The following SUGCT variants were observed in gnomAD, a reference collection of about 807,000 sequenced individuals.
SUGCT encodes the protein succinyl-CoA:glutarate-CoA transferase.
A neutral mutation model predicts 55.0 loss-of-function variants in SUGCT; 41 were observed. That is an observed-to-expected ratio of 0.74 (90% CI 0.58 to 0.97). The LOEUF is 0.97. Ranked by LOEUF, SUGCT falls within the 50% of genes least tolerant of loss-of-function variation. The pLI is 0.00. For synonymous variants in SUGCT, 187 were observed against 200.4 expected, an observed-to-expected ratio of 0.93 and a Z score of 0.56; for missense variants, 568 against 547.8, an observed-to-expected ratio of 1.04 and a Z score of -0.37.
chr7:40,159,762 T>A (rs73312947), intron 1 of SUGCT, among the ~76,000 whole-genome samples: 2,432 of 152,308 alleles, frequency 0.016, 66 homozygotes, highest in African/African-American at 0.054. Flanking sequence ...CTGAGGCTGC[T>A]GTGATGCCTA....
the SUGCT span, among the ~76,000 whole-genome samples, chr7:40,921,556 C>A: frequency 6.6e-6 from 1 of 152,208 alleles, no homozygotes; most frequent in East Asian, 1.9e-4. Context: ...CTGGAATACT[C>A]TTCACCTCGA....
At chr7:40,833,318 TC>T (rs149547574) in intron 13 of SUGCT, among the ~76,000 whole-genome samples, 32,165 of 151,844 alleles carry the variant, frequency 0.21, 3,744 homozygotes, top group East Asian at 0.51. Flanking sequence ...GAAAGTTTTT[TC>T]CCTTTTTTTC....
At chr7:41,026,012 C>A in the SUGCT span, among the ~76,000 whole-genome samples, 1 of 152,186 alleles carries the variant, frequency 6.6e-6, no homozygotes, top group African/African-American at 2.4e-5. Flanking sequence ...CTTTTTACAA[C>A]ATTCACATCG....
intron 11 of SUGCT, among the ~76,000 whole-genome samples, chr7:40,483,992 T>G (rs1379869063): frequency 6.6e-6 from 1 of 152,192 alleles, no homozygotes; most frequent in East Asian, 1.9e-4. Context: ...AAATCACTGA[T>G]AAGTAAATGA....
chr7:40,510,073 A>G (rs1792838833), intron 12 of SUGCT, among the ~76,000 whole-genome samples: 1 of 152,140 alleles, frequency 6.6e-6, no homozygotes, highest in Non-Finnish European at 1.5e-5. Context: ...TTGAATTTTC[A>G]TAGTATATAT....
At chr7:40,316,924 T>G in intron 9 of SUGCT, 69 bp downstream of exon 9, 1 of 689,714 alleles carries the variant, frequency 1.4e-6, no homozygotes, top group East Asian at 3.2e-5. Flanking sequence ...TTTTGGAAAA[T>G]GATTTCTTTT....
chr7:40,513,672 A>C (rs1433622621), intron 12 of SUGCT, among the ~76,000 whole-genome samples: 1 of 152,140 alleles, frequency 6.6e-6, no homozygotes, highest in Non-Finnish European at 1.5e-5. Context: ...ATGGCTTTGA[A>C]AAAGTGACCT....
At chr7:40,277,018 C>T (rs1792544408) in intron 8 of SUGCT, among the ~76,000 whole-genome samples, 2 of 151,956 alleles carry the variant, frequency 1.3e-5, no homozygotes, top group Admixed American at 1.3e-4. Flanking sequence ...GTCTCGTAAC[C>T]CTTAGGTTTG....
the SUGCT span, among the ~76,000 whole-genome samples, chr7:40,870,232 G>C: frequency 6.6e-6 from 1 of 152,246 alleles, no homozygotes; most frequent in Non-Finnish European, 1.5e-5. Context: ...ACATGGCTGT[G>C]CTCTCTGTGG....
chr7:40,813,809 G>A (rs1172065736), intron 13 of SUGCT, among the ~76,000 whole-genome samples: 1 of 152,160 alleles, frequency 6.6e-6, no homozygotes, highest in African/African-American at 2.4e-5. Flanking sequence ...CTGCTTGATA[G>A]GGTCTGTGGG....
chr7:40,446,874 G>A (rs1224476185), intron 9 of SUGCT, among the ~76,000 whole-genome samples: 1 of 152,154 alleles, frequency 6.6e-6, no homozygotes, highest in African/African-American at 2.4e-5. Context: ...GTAGCCACTA[G>A]CCACACGTGG....
the SUGCT span, among the ~76,000 whole-genome samples, chr7:40,905,516 T>A: frequency 6.6e-6 from 1 of 152,180 alleles, no homozygotes; most frequent in Non-Finnish European, 1.5e-5. Context: ...CTGCACTGTG[T>A]CTCATTCATA....
At chr7:40,519,933 C>T (rs1348269245) in intron 12 of SUGCT, among the ~76,000 whole-genome samples, 1 of 152,040 alleles carries the variant, frequency 6.6e-6, no homozygotes. Context: ...TTCAACTGCT[C>T]ATTTATTCCA....
chr7:40,638,020 A>G (rs1417060379), intron 12 of SUGCT, among the ~76,000 whole-genome samples: 1 of 152,232 alleles, frequency 6.6e-6, no homozygotes, highest in East Asian at 1.9e-4. Context: ...ATTTGAGCAT[A>G]TGTGGTGCAT....
chr7:40,159,914 A>G lies in SUGCT; in HGVS notation c.101-21033A>G, dbSNP rs561921939. Among the ~76,000 whole-genome samples, 321 of 152,284 alleles carry G rather than the reference A, an allele frequency of 2.1e-3. 1 individual carries two copies. Among genetic ancestry groups the G allele is most frequent in the African/African-American group, 7.3e-3 (304 of 41,560 alleles). On this transcript the variant is annotated intron_variant, in intron 1 of 13. Transcript: ENST00000335693. ...TGAAAACCTAGGTTCTGAGTCTCTA[A>G]TGGGTTTCCCTGGGCAGAAACTTTG...
intron 12 of SUGCT, among the ~76,000 whole-genome samples, chr7:40,515,946 G>A (rs563356213): frequency 6.6e-5 from 10 of 152,302 alleles, no homozygotes; most frequent in Non-Finnish European, 1.3e-4. Context: ...AATGTGTGAG[G>A]CTTTGAATTT....
At chr7:40,226,661 G>C (rs1788382719) in intron 6 of SUGCT, among the ~76,000 whole-genome samples, 1 of 149,078 alleles carries the variant, frequency 6.7e-6, no homozygotes, top group Non-Finnish European at 1.5e-5. Context: ...TTTTGTTATT[G>C]CTTGGCTTCA....
intron 9 of SUGCT, among the ~76,000 whole-genome samples, chr7:40,348,401 C>T (rs946260008): frequency 2.6e-5 from 4 of 152,174 alleles, no homozygotes; most frequent in African/African-American, 2.4e-5. Context: ...CACCTCTGAC[C>T]GTCTATGCCA....
At chr7:40,898,486 G>GC in the SUGCT span, among the ~76,000 whole-genome samples, 2 of 91,560 alleles carry the variant, frequency 2.2e-5, no homozygotes, top group African/African-American at 3.7e-5. Context: ...AGGTCGGGGG[G>GC]GGGGGGGGGG....
Sources: gnomAD v4.1 joint callset for allele counts (sites outside exome capture counted in the v4.1 genomes callset) on GRCh38, gnomAD v4.1.1 for gene constraint, MANE v1.5 for transcripts, NCBI Gene and HGNC (gene_info 2026-07-23, HGNC 2026-07-21) for gene names.